The following ZNF804A variants were observed in gnomAD, a reference collection of about 807,000 sequenced individuals.
The protein encoded by ZNF804A is zinc finger protein 804A.
In ZNF804A, 2 loss-of-function variants were observed where a neutral mutation model predicts 16.5. The ratio of observed to expected loss-of-function variants is 0.12; its 90% CI spans 0.05 to 0.38. The LOEUF is 0.38. Among genes scored for constraint, ZNF804A ranks in the 10% least tolerant of loss-of-function variants. The pLI is 0.99. For synonymous variants in ZNF804A, 534 were observed against 489.6 expected, an observed-to-expected ratio of 1.09 and a Z score of -1.20; for missense variants, 1,473 against 1,390.7, an observed-to-expected ratio of 1.06 and a Z score of -0.94.
intron 2 of ZNF804A, among the ~76,000 whole-genome samples, chr2:184,897,446 A>T (rs1574261593): frequency 6.9e-6 from 1 of 145,784 alleles, no homozygotes; most frequent in Admixed American, 7.0e-5. Context: ...CCATACAGCA[A>T]TTTTTTCCCC....
At chr2:184,667,967 T>G (rs997618960) in intron 1 of ZNF804A, among the ~76,000 whole-genome samples, 1 of 151,818 alleles carries the variant, frequency 6.6e-6, no homozygotes, top group South Asian at 2.1e-4. Context: ...TTTGAGGCAA[T>G]GTGATCTCTT....
intron 1 of ZNF804A, among the ~76,000 whole-genome samples, chr2:184,677,362 A>G (rs1692455968): frequency 6.6e-6 from 1 of 151,898 alleles, no homozygotes; most frequent in Admixed American, 6.6e-5. Flanking sequence ...TGGCTGACTC[A>G]CTGTCACTAT....
chr2:184,785,546 A>G, intron 1 of ZNF804A, among the ~76,000 whole-genome samples: 1 of 152,018 alleles, frequency 6.6e-6, no homozygotes, highest in East Asian at 1.9e-4. Flanking sequence ...TTTTACTTTA[A>G]GTTCTATGTT....
chr2:184,815,109 G>C (rs1031410451), intron 1 of ZNF804A, among the ~76,000 whole-genome samples: 1 of 151,964 alleles, frequency 6.6e-6, no homozygotes, highest in Non-Finnish European at 1.5e-5. Context: ...GTGCTCTGAT[G>C]AGTGATTACC....
intron 1 of ZNF804A, among the ~76,000 whole-genome samples, chr2:184,772,952 T>C (rs1444842224): frequency 1.4e-5 from 2 of 138,256 alleles, no homozygotes; most frequent in Non-Finnish European, 3.0e-5. Flanking sequence ...CATATACATA[T>C]ATACATATAC....
chr2:184,728,569 C>T (rs1434873950), intron 1 of ZNF804A, among the ~76,000 whole-genome samples: 1 of 151,876 alleles, frequency 6.6e-6, no homozygotes, highest in Non-Finnish European at 1.5e-5. Flanking sequence ...TCCTTCTGGT[C>T]TGACAGACTG....
chr2:184,855,619 C>T (rs1004509679), intron 1 of ZNF804A, among the ~76,000 whole-genome samples: 33 of 147,322 alleles, frequency 2.2e-4, no homozygotes, highest in East Asian at 7.8e-4. Context: ...TATATATACA[C>T]ACACACACAC....
intron 2 of ZNF804A, among the ~76,000 whole-genome samples, chr2:184,925,970 A>G (rs1685603379): frequency 6.6e-6 from 1 of 151,682 alleles, no homozygotes; most frequent in African/African-American, 2.4e-5. Flanking sequence ...ATATCTTTAA[A>G]AGTTGCTGTA....
At chr2:184,723,308 G>C (rs1693353287) in intron 1 of ZNF804A, among the ~76,000 whole-genome samples, 1 of 151,804 alleles carries the variant, frequency 6.6e-6, no homozygotes, top group Non-Finnish European at 1.5e-5. Flanking sequence ...AGGCTCGCGT[G>C]TATCACTGTG....
intron 1 of ZNF804A, among the ~76,000 whole-genome samples, chr2:184,664,083 A>G (rs1692220859): frequency 1.3e-5 from 2 of 152,198 alleles, no homozygotes; most frequent in South Asian, 4.1e-4. Flanking sequence ...ACTATTTTGT[A>G]TGTTTTATTA....
At position 184,721,126 on chromosome 2, in the gene ZNF804A, C is replaced by A. The variant is rs146247035; in HGVS notation, c.111+122056C>A. Among the ~76,000 whole-genome samples, 555 of 152,116 alleles carry A rather than the reference C, an allele frequency of 3.6e-3. 2 individuals carry two copies. Among genetic ancestry groups the A allele is most frequent in the African/African-American group, 0.013 (535 of 41,526 alleles). ...GAATGAAAGACTTAAACATAAGACTCAAAACTATTAAAATCCTAGAAGAAG... is the reference window on the plus strand; with the variant it reads ...GAATGAAAGACTTAAACATAAGACTAAAAACTATTAAAATCCTAGAAGAAG... On this transcript the variant is annotated intron_variant, in intron 1 of 3. Coordinates refer to ENST00000302277, the MANE Select transcript of ZNF804A (RefSeq NM_194250.2).
At chr2:184,934,779 T>TC (rs1685758252) in intron 3 of ZNF804A, among the ~76,000 whole-genome samples, 1 of 152,096 alleles carries the variant, frequency 6.6e-6, no homozygotes, top group African/African-American at 2.4e-5. Context: ...ATTATTATCC[T>TC]CAGTATAAAG....
chr2:184,676,337 G>T, intron 1 of ZNF804A, among the ~76,000 whole-genome samples: 1 of 150,530 alleles, frequency 6.6e-6, no homozygotes, highest in African/African-American at 2.4e-5. Context: ...TTAGAAATAT[G>T]TTTGAAAATA....
chr2:184,682,701 C>A (rs1258217611), intron 1 of ZNF804A, among the ~76,000 whole-genome samples: 1 of 152,170 alleles, frequency 6.6e-6, no homozygotes, highest in African/African-American at 2.4e-5. Flanking sequence ...GGCGTTTACT[C>A]TTATTGAAGC....
chr2:184,639,927 C>T (rs1430187087), intron 1 of ZNF804A, among the ~76,000 whole-genome samples: 3 of 151,844 alleles, frequency 2.0e-5, no homozygotes, highest in African/African-American at 2.4e-5. Context: ...GTGTGAACCC[C>T]GGAGGCAGAG....
At chr2:184,812,629 AT>A in intron 1 of ZNF804A, among the ~76,000 whole-genome samples, 1 of 152,202 alleles carries the variant, frequency 6.6e-6, no homozygotes, top group African/African-American at 2.4e-5. Context: ...TATAAGTATC[AT>A]TTACAATAGG....
chr2:184,884,525 G>A (rs1353249084), intron 2 of ZNF804A, among the ~76,000 whole-genome samples: 1 of 151,802 alleles, frequency 6.6e-6, no homozygotes, highest in African/African-American at 2.4e-5. Flanking sequence ...ATCAAAGCTG[G>A]AGACATCACA....
intron 1 of ZNF804A, among the ~76,000 whole-genome samples, chr2:184,808,593 T>C (rs1428812504): frequency 2.0e-5 from 3 of 151,530 alleles, no homozygotes; most frequent in Non-Finnish European, 4.4e-5. Flanking sequence ...TCAAATTATT[T>C]AAATATTAAT....
At chr2:184,625,297 A>C (rs1559111254) in intron 1 of ZNF804A, among the ~76,000 whole-genome samples, 1 of 152,210 alleles carries the variant, frequency 6.6e-6, no homozygotes, top group Non-Finnish European at 1.5e-5. Flanking sequence ...TTTATACACT[A>C]TCATTAAGCA....
Sources: allele counts gnomAD v4.1 joint callset (sites outside exome capture counted in the v4.1 genomes callset), GRCh38; gene constraint gnomAD v4.1.1; transcripts MANE v1.5; gene names NCBI Gene and HGNC (gene_info 2026-07-23, HGNC 2026-07-21).